The following RANBP9 variants were observed in gnomAD, a reference collection of about 807,000 sequenced individuals.
RANBP9 encodes the protein RAN binding protein 9.
In RANBP9, 15 loss-of-function variants were observed where a neutral mutation model predicts 84.3. The observed-to-expected ratio is 0.18, with a 90% CI of 0.12 to 0.27. RANBP9 has a LOEUF of 0.27. RANBP9 is among the 10% of genes least tolerant of loss of function. The pLI is 1.00. For missense variants in RANBP9, 809 were observed against 912.8 expected (o/e 0.89, Z 1.46); for synonymous variants, 392 against 349.6 (o/e 1.12, Z -1.35).
intron 1 of RANBP9, among the ~76,000 whole-genome samples, chr6:13,702,971 C>CT (rs1758012720): frequency 1.3e-5 from 2 of 152,212 alleles, no homozygotes; most frequent in South Asian, 4.1e-4. Context: ...CTAAACCTAT[C>CT]TGTTGCAACA....
At chr6:13,656,937 G>A (rs1459181379) in intron 4 of RANBP9, among the ~76,000 whole-genome samples, 172 bp downstream of exon 4, 3 of 151,432 alleles carry the variant, frequency 2.0e-5, no homozygotes, top group African/African-American at 7.3e-5. Context: ...ATATAAATAG[G>A]GTGAATATAA....
chr6:13,633,313 C>T (rs1331500151), intron 11 of RANBP9, among the ~76,000 whole-genome samples: 9 of 152,286 alleles, frequency 5.9e-5, no homozygotes, highest in East Asian at 1.9e-4. Flanking sequence ...GGATTACAGG[C>T]GTGAGCCACC....
intron 2 of RANBP9, among the ~76,000 whole-genome samples, chr6:13,681,875 T>G (rs1372053609): frequency 6.6e-6 from 1 of 152,092 alleles, no homozygotes; most frequent in Non-Finnish European, 1.5e-5. Flanking sequence ...TTCCTTTTTT[T>G]TTTGAGAGAG....
intron 1 of RANBP9, among the ~76,000 whole-genome samples, chr6:13,705,687 C>T (rs1204131789): frequency 2.0e-5 from 3 of 150,630 alleles, no homozygotes; most frequent in African/African-American, 7.3e-5. Flanking sequence ...CGGTGAAACC[C>T]CCTCTCTATT....
chr6:13,629,915 C>G lies in RANBP9; in HGVS notation c.1947+2455G>C, dbSNP rs552516400. Reference sequence around the variant, plus strand: ...TCTCTGTCTCTCTCTCTCTCTCTCTCTCTCTCGTGTGTGTGTGTGTGTGTG... The same window carrying G: ...TCTCTGTCTCTCTCTCTCTCTCTCTGTCTCTCGTGTGTGTGTGTGTGTGTG... On this transcript the variant is annotated intron_variant, in intron 12 of 13. Coordinates refer to ENST00000011619, the MANE Select transcript of RANBP9 (RefSeq NM_005493.3). 7.3e-3 allele frequency among the ~76,000 whole-genome samples: 924 copies of G among 126,350 alleles called. 4 individuals carry two copies. The highest frequency in any genetic ancestry group is 0.025 in the African/African-American group (858 of 33,986). 82.9% of individuals were successfully genotyped at this position (126,350 alleles called of 152,430 possible).
rs1418360441 is a variant in RANBP9 at position 13,632,414 on chromosome 6, T to A, written c.1903A>T (p.Arg635Trp). ...RELQAMSEQL[R>W]RDCGKNTANK... ...GCAGTGTTCTTGCCACAGTCTCTCC[T>A]TAGCTGTTCACTCATTGCTTGCAGC... Residue 635 changes from arginine (R) to tryptophan (W), a missense_variant, in exon 12 of 14, where the codon AGG becomes TGG. Around this residue, in one of 5 missense-constraint regions of RANBP9, gnomAD observed 233 missense variants for 234.4 expected, o/e 0.99. Transcript: ENST00000011619. 6.2e-7 allele frequency: 1 copy of A among 1,613,960 alleles called. No individual in the cohort carries two copies. Among genetic ancestry groups the A allele is most frequent in the Non-Finnish European group, 8.5e-7 (1 of 1,179,974 alleles).
intron 4 of RANBP9, among the ~76,000 whole-genome samples, chr6:13,655,369 C>T (rs944106579): frequency 2.6e-5 from 4 of 152,080 alleles, no homozygotes; most frequent in Admixed American, 6.5e-5. Flanking sequence ...ATTCAGGAGG[C>T]TGGGGAAGGA....
chr6:13,664,995 T>C (rs1765616025), intron 2 of RANBP9, among the ~76,000 whole-genome samples: 2 of 152,086 alleles, frequency 1.3e-5, no homozygotes, highest in Admixed American at 1.3e-4. Flanking sequence ...CAAAAGTGCC[T>C]AGACAGTCCA....
intron 2 of RANBP9, 52 bp from the exon 3 acceptor site, chr6:13,658,884 A>G (rs769109254): frequency 1.5e-5 from 22 of 1,477,722 alleles, no homozygotes; most frequent in African/African-American, 2.8e-5. Context: ...ACAGTCATAT[A>G]TGTATAAATT....
chr6:13,641,533 C>T (rs187781632), intron 7 of RANBP9, among the ~76,000 whole-genome samples: 22 of 151,772 alleles, frequency 1.4e-4, no homozygotes, highest in Non-Finnish European at 2.5e-4. Flanking sequence ...TTTAAAATCA[C>T]GAACATACGA....
chr6:13,673,633 CTGTTA>C (rs1765822806), intron 2 of RANBP9, among the ~76,000 whole-genome samples: 1 of 152,046 alleles, frequency 6.6e-6, no homozygotes, highest in Non-Finnish European at 1.5e-5. Context: ...TGGTTATATT[CTGTTA>C]TAAGGTACCT....
intron 11 of RANBP9, 195 bp from the exon 12 acceptor site, chr6:13,632,716 G>A (rs966154122): frequency 5.5e-6 from 3 of 549,462 alleles, no homozygotes; most frequent in Non-Finnish European, 6.3e-6. Context: ...GCTCTCAAGA[G>A]TCTAGGATCC....
chr6:13,702,567 TTGAC>T (rs1313534057), intron 1 of RANBP9, among the ~76,000 whole-genome samples: 2 of 152,190 alleles, frequency 1.3e-5, no homozygotes, highest in East Asian at 3.8e-4. Context: ...TAAAACAAGA[TTGAC>T]TAAGAAATGA....
chr6:13,695,506 G>A (rs1766425880), intron 2 of RANBP9, among the ~76,000 whole-genome samples: 1 of 150,646 alleles, frequency 6.6e-6, no homozygotes, highest in Non-Finnish European at 1.5e-5. Context: ...ACATTGTCTG[G>A]AGCTCGAGGG....
chr6:13,636,669 T>C (rs546188590), intron 10 of RANBP9, among the ~76,000 whole-genome samples: 95 of 152,360 alleles, frequency 6.2e-4, no homozygotes, highest in Non-Finnish European at 6.8e-4. Context: ...TTTTAAACTA[T>C]AATATTTTGA....
intron 10 of RANBP9, among the ~76,000 whole-genome samples, chr6:13,636,230 C>A (rs1410241802): frequency 6.6e-6 from 1 of 152,294 alleles, no homozygotes; most frequent in South Asian, 2.1e-4. Context: ...CTGCAACTTA[C>A]TAGCTACTAA....
At chr6:13,692,103 AC>A (rs1411963655) in intron 2 of RANBP9, among the ~76,000 whole-genome samples, 1 of 152,252 alleles carries the variant, frequency 6.6e-6, no homozygotes, top group East Asian at 1.9e-4. Context: ...CTCCAGAAAA[AC>A]ATTAGTTGGC....
At chr6:13,635,483 T>C (rs1315596454) in intron 10 of RANBP9, among the ~76,000 whole-genome samples, 1 of 150,926 alleles carries the variant, frequency 6.6e-6, no homozygotes, top group Non-Finnish European at 1.5e-5. Flanking sequence ...ACAAAAGCAA[T>C]ATATATTCAA....
At chr6:13,642,242 A>G (rs1237648976) in intron 7 of RANBP9, among the ~76,000 whole-genome samples, 1 of 152,180 alleles carries the variant, frequency 6.6e-6, no homozygotes, top group Non-Finnish European at 1.5e-5. Flanking sequence ...AAAATGGTAA[A>G]GACATTCCTT....
Sources: gnomAD v4.1 joint callset for allele counts (sites outside exome capture counted in the v4.1 genomes callset) on GRCh38, gnomAD v4.1.1 for gene constraint, gnomAD v4.1.1 regional missense constraint, MANE v1.5 for transcripts, NCBI Gene and HGNC (gene_info 2026-07-23, HGNC 2026-07-21) for gene names.